FSTL5: variants seen among roughly 807,000 people sequenced by gnomAD.
FSTL5 encodes follistatin like 5.
In FSTL5, 62 loss-of-function variants were observed where a neutral mutation model predicts 89.1. That is an observed-to-expected ratio of 0.70 (90% CI 0.57 to 0.86). FSTL5 has a LOEUF of 0.86. Among genes scored for constraint, FSTL5 ranks in the 40% least tolerant of loss-of-function variants. The probability of loss-of-function intolerance (pLI) is 0.00; values close to 1 mark genes in which losing one functional copy is unlikely to be tolerated. For missense variants in FSTL5, 1,057 were observed against 1,001.6 expected (o/e 1.06, Z -0.75); for synonymous variants, 383 against 346.2 (o/e 1.11, Z -1.18).
chr4:162,150,961 G>A (rs1733202198), intron 1 of FSTL5, among the ~76,000 whole-genome samples: 1 of 152,122 alleles, frequency 6.6e-6, no homozygotes, highest in Non-Finnish European at 1.5e-5. Context: ...CACATGTGCT[G>A]CAGTTAAATT....
intron 6 of FSTL5, among the ~76,000 whole-genome samples, chr4:161,671,049 G>A (rs1373921028): frequency 2.7e-4 from 41 of 152,268 alleles, no homozygotes; most frequent in Admixed American, 2.7e-3. Flanking sequence ...CTATTCTCAA[G>A]GCAGTCCAGC....
chr4:161,532,945 C>T (rs1225126326), intron 10 of FSTL5, among the ~76,000 whole-genome samples: 1 of 151,844 alleles, frequency 6.6e-6, no homozygotes, highest in Non-Finnish European at 1.5e-5. Context: ...AACAGAAATA[C>T]AGAGAAATTA....
At chr4:161,744,475 C>T (rs1335044945) in intron 6 of FSTL5, among the ~76,000 whole-genome samples, 2 of 152,048 alleles carry the variant, frequency 1.3e-5, no homozygotes, top group African/African-American at 2.4e-5. Context: ...TATACATTTA[C>T]GAAGGTGTGG....
rs1553961067 is a variant in FSTL5 at position 161,721,310 on chromosome 4, T to TAAAAA, written c.727+38100_727+38101insTTTTT. ...AAAAAAAAAAAAAAAAAAAAAAAAT[T>TAAAAA]TTTCTAAGAAGGTAGATCTTATGTT... On this transcript the variant is annotated intron_variant, in intron 6 of 15. Coordinates refer to ENST00000306100, the MANE Select transcript of FSTL5 (RefSeq NM_020116.5). 1.3e-4 allele frequency among the ~76,000 whole-genome samples: 14 copies of TAAAAA among 107,248 alleles called. No homozygotes were observed. The East Asian group carries it at 1.4e-3, about 11-fold the overall frequency. 70.4% of individuals were successfully genotyped at this position (107,248 alleles called of 152,430 possible).
Position 161,386,592 on chromosome 4 carries a change from T to G in FSTL5, c.1842-143A>C, listed in dbSNP as rs72987243. The G allele has an allele frequency of 2.4e-4, 148 of 608,808 alleles. No homozygotes were observed. The African/African-American group carries it at 2.6e-3, about 11-fold the overall frequency. 37.7% of individuals were successfully genotyped at this position (608,808 alleles called of 1,614,324 possible). A position where few individuals can be genotyped will look rare whatever the true frequency, so the allele number is the denominator to read the frequency against. On this transcript the variant is annotated intron_variant, in intron 15 of 15. Coordinates refer to ENST00000306100, the MANE Select transcript of FSTL5 (RefSeq NM_020116.5). ...ATTTGTGTTACAATTGTGCTAGAAT[T>G]AATCTGTAGATTGTGCCACTCTCCT...
intron 6 of FSTL5, among the ~76,000 whole-genome samples, chr4:161,746,087 ATAAAT>A (rs574946941): frequency 8.1e-4 from 123 of 152,246 alleles, no homozygotes; most frequent in African/African-American, 2.8e-3. Flanking sequence ...CATCACATAT[ATAAAT>A]TATTTTTGCT....
At chr4:162,064,724 A>G (rs562709266) in intron 2 of FSTL5, among the ~76,000 whole-genome samples, 2 of 152,154 alleles carry the variant, frequency 1.3e-5, no homozygotes, top group East Asian at 3.9e-4. Context: ...AGCTGTGTCT[A>G]TGGGTACACC....
chr4:161,443,466 C>A (rs1202269389), intron 15 of FSTL5, among the ~76,000 whole-genome samples: 1 of 151,866 alleles, frequency 6.6e-6, no homozygotes, highest in Admixed American at 6.6e-5. Flanking sequence ...TAAGAAAAAT[C>A]TTTTATTTTT....
chr4:162,146,661 GTCCCTTCCCT>G (rs200924276), intron 1 of FSTL5, among the ~76,000 whole-genome samples: 2,917 of 140,850 alleles, frequency 0.021, 96 homozygotes, highest in African/African-American at 0.064. Flanking sequence ...TTTACCTAAT[GTCCCTTCCCT>G]TCCCTTCCCT....
In FSTL5 at chr4:161,386,436, G is replaced by A; in HGVS notation, c.1855C>T (p.Leu619Phe). The change falls in exon 16 of 16, where the codon CTT becomes TTT. Residue 619 changes from leucine (L) to phenylalanine (F), a missense_variant. By Grantham distance (22) the Leu-to-Phe change is conservative. Transcript: ENST00000306100. The stretch of plus-strand genomic sequence containing the variant: ...TGTAGTGCAGCTTCATCTTTATGAA[G>A]AATAAATCCAAACCTGAAAAAAATG... ...IITHMRFGFI[L>F]HKDEAALQKI... is the part of the protein sequence containing the mutation. The A allele has an allele frequency of 6.2e-7, 1 of 1,604,636 alleles. No homozygotes were observed. The highest frequency in any genetic ancestry group is 8.5e-7 in the Non-Finnish European group (1 of 1,175,228).
intron 3 of FSTL5, among the ~76,000 whole-genome samples, chr4:161,956,459 AGAGATTT>A (rs1735028964): frequency 6.6e-6 from 1 of 151,954 alleles, no homozygotes; most frequent in African/African-American, 2.4e-5. Flanking sequence ...AACAATACTG[AGAGATTT>A]GACTACAAAT....
rs554972295 is a variant in FSTL5 at position 162,132,651 on chromosome 4, T to C, written c.-16-21239A>G. Among the ~76,000 whole-genome samples, 3 of 152,312 alleles carry C rather than the reference T, an allele frequency of 2.0e-5. No homozygotes were observed. In the South Asian group the frequency reaches 6.2e-4, roughly 32 times the overall value. On this transcript the variant is annotated intron_variant, in intron 1 of 15. Coordinates refer to ENST00000306100, the MANE Select transcript of FSTL5 (RefSeq NM_020116.5). Reference sequence around the variant, plus strand: ...CAATAGGACATCTATGCCTACTGCATAGATGTGCAAACTATCTTTGCTTCT... The same window carrying C: ...CAATAGGACATCTATGCCTACTGCACAGATGTGCAAACTATCTTTGCTTCT...
At chr4:161,412,546 T>C (rs938861514) in intron 15 of FSTL5, among the ~76,000 whole-genome samples, 2 of 152,060 alleles carry the variant, frequency 1.3e-5, no homozygotes, top group Non-Finnish European at 2.9e-5. Flanking sequence ...AAATATCTAA[T>C]GTAAATGATG....
chr4:161,715,324 T>C (rs1738938028), intron 6 of FSTL5, among the ~76,000 whole-genome samples: 1 of 152,190 alleles, frequency 6.6e-6, no homozygotes, highest in African/African-American at 2.4e-5. Flanking sequence ...AGTTCAGAAA[T>C]CAAAGCAGAT....
At chr4:161,746,808 C>T (rs1442167251) in intron 6 of FSTL5, among the ~76,000 whole-genome samples, 1 of 151,914 alleles carries the variant, frequency 6.6e-6, no homozygotes, top group Non-Finnish European at 1.5e-5. Context: ...AACTCTAACC[C>T]CTTCCTCCTA....
intron 3 of FSTL5, among the ~76,000 whole-genome samples, chr4:161,966,917 C>T (rs377500794): frequency 1.7e-4 from 26 of 151,950 alleles, no homozygotes; most frequent in African/African-American, 3.9e-4. Context: ...TTAGTTAACT[C>T]GAATTAATGA....
At chr4:161,515,183 A>G (rs1730774814) in intron 10 of FSTL5, among the ~76,000 whole-genome samples, 1 of 151,960 alleles carries the variant, frequency 6.6e-6, no homozygotes, top group East Asian at 1.9e-4. Context: ...CTGGTATAAT[A>G]ATACATTCTC....
intron 13 of FSTL5, among the ~76,000 whole-genome samples, chr4:161,467,420 C>G (rs900933137): frequency 1.3e-5 from 2 of 152,010 alleles, no homozygotes; most frequent in Non-Finnish European, 2.9e-5. Flanking sequence ...AGAATTGATG[C>G]TTTACTTTTT....
chr4:161,940,866 T>C (rs1017352760), intron 3 of FSTL5, among the ~76,000 whole-genome samples: 14 of 151,764 alleles, frequency 9.2e-5, no homozygotes, highest in Admixed American at 6.6e-5. Context: ...GGCAACTACA[T>C]AGGTAAATAC....
Sources: gnomAD v4.1 joint callset for allele counts (sites outside exome capture counted in the v4.1 genomes callset) on GRCh38, gnomAD v4.1.1 for gene constraint, MANE v1.5 for transcripts, NCBI Gene and HGNC (gene_info 2026-07-23, HGNC 2026-07-21) for gene names.